Variants in PPP2R5E observed in about 807,000 individuals in gnomAD.
PPP2R5E encodes the protein serine/threonine-protein phosphatase 2A 56 kDa regulatory subunit epsilon isoform.
Under a neutral mutation model 65.3 loss-of-function variants are expected in PPP2R5E, and 4 were observed. The observed-to-expected ratio is 0.06, with a 90% CI of 0.03 to 0.14. The LOEUF (loss-of-function observed/expected upper bound fraction) is 0.14. PPP2R5E is among the 10% of genes least tolerant of loss of function. PPP2R5E has a pLI of 1.00. For missense variants in PPP2R5E, 274 were observed against 556.1 expected (o/e 0.49, Z 5.10); for synonymous variants, 183 against 187.4 (o/e 0.98, Z 0.19).
At chr14:63,513,900 G>A (rs1351063706) in intron 2 of PPP2R5E, among the ~76,000 whole-genome samples, 1 of 152,154 alleles carries the variant, frequency 6.6e-6, no homozygotes, top group Non-Finnish European at 1.5e-5. Context: ...ACTCTCTCCC[G>A]CAGCTCACTC....
intron 3 of PPP2R5E, among the ~76,000 whole-genome samples, chr14:63,442,612 A>T (rs943646519): frequency 2.6e-5 from 4 of 152,224 alleles, no homozygotes; most frequent in African/African-American, 9.7e-5. Context: ...GAGGGAGACC[A>T]CATTTACGTA....
intron 5 of PPP2R5E, among the ~76,000 whole-genome samples, chr14:63,402,699 C>T (rs1430657727): frequency 6.6e-6 from 1 of 151,900 alleles, no homozygotes; most frequent in Non-Finnish European, 1.5e-5. Flanking sequence ...AACTCTACCC[C>T]AGAGCATATA....
chr14:63,426,987 A>T (rs1384639330), intron 3 of PPP2R5E, among the ~76,000 whole-genome samples: 1 of 152,226 alleles, frequency 6.6e-6, no homozygotes, highest in Non-Finnish European at 1.5e-5. Flanking sequence ...AAGACTTCCA[A>T]GATCTAAAAA....
At chr14:63,397,311 G>A (rs564375119) in intron 5 of PPP2R5E, among the ~76,000 whole-genome samples, 41 of 152,204 alleles carry the variant, frequency 2.7e-4, no homozygotes, top group African/African-American at 9.6e-4. Flanking sequence ...AGACCAGCCT[G>A]GCCAACATGG....
intron 3 of PPP2R5E, among the ~76,000 whole-genome samples, chr14:63,430,393 A>ACATACATACATACATACATACATACATG (rs1887598066): frequency 1.4e-5 from 2 of 138,924 alleles, no homozygotes; most frequent in African/African-American, 6.2e-5. Context: ...ATACATACAT[A>ACATACATACATACATACATACATACATG]CATACATGCA....
intron 3 of PPP2R5E, among the ~76,000 whole-genome samples, chr14:63,438,304 C>T (rs1158873847): frequency 1.3e-5 from 2 of 152,214 alleles, no homozygotes; most frequent in African/African-American, 4.8e-5. Context: ...TTCTGTGTCT[C>T]CTCAGTAGAG....
At chr14:63,439,653 C>T (rs1282566715) in intron 3 of PPP2R5E, among the ~76,000 whole-genome samples, 1 of 152,180 alleles carries the variant, frequency 6.6e-6, no homozygotes, top group Non-Finnish European at 1.5e-5. Context: ...GGATTACAGG[C>T]GTGAGCCACC....
chr14:63,397,502 T>TAAAA (rs1163450765), intron 5 of PPP2R5E, among the ~76,000 whole-genome samples: 5 of 62,286 alleles, frequency 8.0e-5, no homozygotes, highest in East Asian at 5.0e-4. Context: ...ATTCGGTCTT[T>TAAAA]AAAAAAAAAA....
At chr14:63,459,702 G>A (rs1274126683) in intron 2 of PPP2R5E, among the ~76,000 whole-genome samples, 1 of 152,148 alleles carries the variant, frequency 6.6e-6, no homozygotes, top group Non-Finnish European at 1.5e-5. Context: ...ATATTTCACT[G>A]CTAAGCATTT....
intron 2 of PPP2R5E, among the ~76,000 whole-genome samples, chr14:63,470,635 C>T (rs1890069728): frequency 6.6e-6 from 1 of 151,316 alleles, no homozygotes; most frequent in South Asian, 2.1e-4. Context: ...TAGGAATTTC[C>T]AGCATAAAAC....
chr14:63,440,613 T>G (rs753991204), intron 3 of PPP2R5E, among the ~76,000 whole-genome samples: 1 of 151,660 alleles, frequency 6.6e-6, no homozygotes, highest in Non-Finnish European at 1.5e-5. Flanking sequence ...AAAGAATAAT[T>G]CCAGGAAAGC....
chr14:63,486,546 CCATCA>C (rs1240914396), intron 2 of PPP2R5E, among the ~76,000 whole-genome samples: 1 of 151,788 alleles, frequency 6.6e-6, no homozygotes, highest in Non-Finnish European at 1.5e-5. Context: ...ATACAAAATC[CCATCA>C]CAAGTGTTTA....
intron 11 of PPP2R5E, among the ~76,000 whole-genome samples, chr14:63,386,935 A>G (rs1021514324): frequency 1.3e-5 from 2 of 151,724 alleles, no homozygotes; most frequent in Non-Finnish European, 2.9e-5. Flanking sequence ...AAAAAAAAAA[A>G]AAGAAGAAAG....
At chr14:63,418,440 T>C (rs934021875) in intron 4 of PPP2R5E, among the ~76,000 whole-genome samples, 8 of 152,238 alleles carry the variant, frequency 5.3e-5, no homozygotes, top group African/African-American at 1.4e-4. Context: ...AAGTGTTCTC[T>C]GCACTTAAGA....
chr14:63,404,675 C>T (rs1049879676), intron 5 of PPP2R5E, among the ~76,000 whole-genome samples: 4 of 152,196 alleles, frequency 2.6e-5, no homozygotes, highest in Non-Finnish European at 4.4e-5. Context: ...ACAAAACTTT[C>T]GAAAGTGTAA....
chr14:63,503,396 A>C (rs1043313746), intron 2 of PPP2R5E, among the ~76,000 whole-genome samples: 2 of 152,190 alleles, frequency 1.3e-5, no homozygotes, highest in African/African-American at 4.8e-5. Context: ...GCACTATGAC[A>C]CTGCCAAAGC....
chr14:63,375,895 G>T lies in PPP2R5E; in HGVS notation c.*114C>A. On this transcript the variant is annotated 3_prime_UTR_variant, in exon 14 of 14. Transcript: ENST00000337537. ...GTATATACAGTGCTGCTGTAATAAT[G>T]AAACAAAGGTGAAATCTACTGTAAA... 1.3e-6 allele frequency: 1 copy of T among 746,370 alleles called. No homozygotes were observed. The highest frequency in any genetic ancestry group is 2.2e-6 in the Non-Finnish European group (1 of 449,684). The allele number at this position is 746,370 out of a possible 1,614,324, so 46.2% of individuals were successfully genotyped here. A position where few individuals can be genotyped will look rare whatever the true frequency, so the allele number is the denominator to read the frequency against.
chr14:63,522,526 T>C (rs1892966336), intron 2 of PPP2R5E, among the ~76,000 whole-genome samples: 2 of 148,224 alleles, frequency 1.3e-5, no homozygotes, highest in Non-Finnish European at 3.0e-5. Flanking sequence ...CGCCATCCCA[T>C]CTAGGAAGTG....
intron 2 of PPP2R5E, among the ~76,000 whole-genome samples, chr14:63,484,330 CTCTT>C (rs1890868443): frequency 7.0e-6 from 1 of 142,916 alleles, no homozygotes; most frequent in African/African-American, 2.8e-5. Context: ...CTCTTTCTTT[CTCTT>C]TCTCTCTCTC....
Sources: gnomAD v4.1 joint callset for allele counts (sites outside exome capture counted in the v4.1 genomes callset) on GRCh38, gnomAD v4.1.1 for gene constraint, MANE v1.5 for transcripts, NCBI Gene and HGNC (gene_info 2026-07-23, HGNC 2026-07-21) for gene names.